The following VTI1A variants were observed in gnomAD, a reference collection of about 807,000 sequenced individuals.
VTI1A encodes vesicle transport through interaction with t-SNAREs 1A.
In VTI1A, 22 loss-of-function variants were observed where a neutral mutation model predicts 34.9. The ratio of observed to expected loss-of-function variants is 0.63; its 90% CI spans 0.45 to 0.90. The LOEUF is 0.90. Among genes scored for constraint, VTI1A ranks in the 40% least tolerant of loss-of-function variants. The probability of loss-of-function intolerance (pLI) is 0.00; values close to 1 mark genes in which losing one functional copy is unlikely to be tolerated. For missense variants in VTI1A, 268 were observed against 275.6 expected (o/e 0.97, Z 0.20); for synonymous variants, 87 against 97.3 (o/e 0.89, Z 0.62).
At chr10:112,775,017 T>A (rs972980544) in intron 7 of VTI1A, among the ~76,000 whole-genome samples, 46 of 152,334 alleles carry the variant, frequency 3.0e-4, no homozygotes, top group African/African-American at 1.1e-3. Context: ...AGTCAATGGC[T>A]GCCTCAGTGC....
chr10:112,780,870 C>T (rs1212477532), intron 7 of VTI1A, among the ~76,000 whole-genome samples: 2 of 152,112 alleles, frequency 1.3e-5, no homozygotes, highest in Non-Finnish European at 2.9e-5. Flanking sequence ...GATAAAGGGC[C>T]TTTGCACATG....
intron 5 of VTI1A, among the ~76,000 whole-genome samples, chr10:112,643,413 C>G (rs574823715): frequency 9.9e-5 from 15 of 152,160 alleles, no homozygotes; most frequent in Admixed American, 9.2e-4. Flanking sequence ...AAAATTTTAG[C>G]TTTACTCAAA....
downstream of VTI1A, among the ~76,000 whole-genome samples, chr10:112,821,933 G>A (rs558388898): frequency 5.3e-5 from 8 of 152,184 alleles, no homozygotes; most frequent in Non-Finnish European, 7.3e-5. Flanking sequence ...TGACACCCTC[G>A]CGGTGGTGGA....
intron 5 of VTI1A, among the ~76,000 whole-genome samples, chr10:112,609,632 A>G (rs2134507634): frequency 6.6e-6 from 1 of 152,340 alleles, no homozygotes; most frequent in Non-Finnish European, 1.5e-5. Context: ...TTTTAGAAAC[A>G]TTCTATTTTT....
intron 7 of VTI1A, among the ~76,000 whole-genome samples, chr10:112,807,084 C>A (rs1042369446): frequency 6.6e-6 from 1 of 152,194 alleles, no homozygotes; most frequent in Non-Finnish European, 1.5e-5. Context: ...TGCAAAGCTT[C>A]TGTGAACTCG....
At chr10:112,552,846 CTT>C (rs1348535414) in intron 5 of VTI1A, among the ~76,000 whole-genome samples, 3 of 152,180 alleles carry the variant, frequency 2.0e-5, no homozygotes, top group Non-Finnish European at 4.4e-5. Context: ...ACGTCTTTCT[CTT>C]CTCTCTTTTG....
chr10:112,564,150 T>A, intron 5 of VTI1A, among the ~76,000 whole-genome samples: 1 of 151,308 alleles, frequency 6.6e-6, no homozygotes, highest in African/African-American at 2.4e-5. Flanking sequence ...AAATCTGACC[T>A]TGAGGGAGAG....
chr10:112,715,579 A>G (rs989372100), intron 7 of VTI1A, among the ~76,000 whole-genome samples: 7 of 152,092 alleles, frequency 4.6e-5, no homozygotes, highest in Admixed American at 3.9e-4. Flanking sequence ...ACTGTTTTTC[A>G]TATGTTAAAA....
chr10:112,826,771 A>G, the VTI1A span: 1 of 152,334 alleles, frequency 6.6e-6, no homozygotes, highest in Middle Eastern at 3.4e-3. Flanking sequence ...AGCCACCCTC[A>G]TGGAGGTTTC....
At chr10:112,465,652 A>G (rs1847872303) in intron 3 of VTI1A, among the ~76,000 whole-genome samples, 1 of 152,218 alleles carries the variant, frequency 6.6e-6, no homozygotes, top group African/African-American at 2.4e-5. Context: ...AGGTATCTAG[A>G]GTAGTCAGAT....
intron 7 of VTI1A, among the ~76,000 whole-genome samples, chr10:112,748,620 C>CTTTTTTTTTTTTT (rs561301572): frequency 1.9e-5 from 2 of 104,920 alleles, no homozygotes; most frequent in African/African-American, 4.4e-5. Context: ...ATTTAGAAAC[C>CTTTTTTTTTTTTT]TTTTTTTTTT....
rs147995377 is a variant in VTI1A, at chr10:112,798,352, A to G, written c.561-16938A>G. ...CCCTTTGCTGAGGACCTGGAGTGGA[A>G]ACACCTTATTATTGGTACTTAGGGG... On this transcript the variant is annotated intron_variant, in intron 7 of 7. Transcript: ENST00000393077. 1.6e-4 allele frequency among the ~76,000 whole-genome samples: 25 copies of G among 152,292 alleles called. No homozygotes were observed. In the East Asian group the frequency reaches 3.3e-3, roughly 20 times the overall value.
intron 3 of VTI1A, among the ~76,000 whole-genome samples, chr10:112,506,690 T>G (rs1849443320): frequency 6.6e-6 from 1 of 152,218 alleles, no homozygotes; most frequent in South Asian, 2.1e-4. Context: ...GTATTTACTC[T>G]TATTGGAGTT....
At chr10:112,545,779 T>G (rs1374567158) in intron 5 of VTI1A, among the ~76,000 whole-genome samples, 1 of 152,214 alleles carries the variant, frequency 6.6e-6, no homozygotes, top group Non-Finnish European at 1.5e-5. Context: ...ATTTAGTCTG[T>G]GTTTATTCAA....
At chr10:112,455,748 A>G (rs1428983447) in intron 1 of VTI1A, among the ~76,000 whole-genome samples, 2 of 151,052 alleles carry the variant, frequency 1.3e-5, no homozygotes, top group East Asian at 4.0e-4. Flanking sequence ...AAACATGAGG[A>G]ACACTATAAG....
At chr10:112,608,858 ATGT>A (rs1845186490) in intron 5 of VTI1A, among the ~76,000 whole-genome samples, 1 of 152,166 alleles carries the variant, frequency 6.6e-6, no homozygotes, top group Non-Finnish European at 1.5e-5. Context: ...CTTGAAACTG[ATGT>A]TAAATGATCA....
At chr10:112,654,339 A>G (rs957671710) in intron 5 of VTI1A, among the ~76,000 whole-genome samples, 1 of 152,140 alleles carries the variant, frequency 6.6e-6, no homozygotes, top group East Asian at 1.9e-4. Flanking sequence ...AGGAAACCTT[A>G]TCTCCTTTTA....
intron 5 of VTI1A, among the ~76,000 whole-genome samples, chr10:112,539,052 C>T (rs1386594848): frequency 6.6e-6 from 1 of 152,152 alleles, no homozygotes; most frequent in African/African-American, 2.4e-5. Context: ...GACTGTTTGT[C>T]TCCAGAGTAA....
intron 5 of VTI1A, among the ~76,000 whole-genome samples, chr10:112,666,417 T>C (rs117397238): frequency 0.01 from 1,537 of 152,338 alleles, 12 homozygotes; most frequent in Non-Finnish European, 0.015. Flanking sequence ...CAAATTCTTC[T>C]GTTAACACTT....
Sources: allele counts gnomAD v4.1 joint callset (sites outside exome capture counted in the v4.1 genomes callset), GRCh38; gene constraint gnomAD v4.1.1; transcripts MANE v1.5; gene names NCBI Gene and HGNC (gene_info 2026-07-23, HGNC 2026-07-21).